The following SUCLG2 variants were observed in gnomAD, a reference collection of about 807,000 sequenced individuals.
SUCLG2 encodes succinate--CoA ligase [GDP-forming] subunit beta, mitochondrial.
In SUCLG2, 42 loss-of-function variants were observed where a neutral mutation model predicts 47.9. That is an observed-to-expected ratio of 0.88 (90% CI 0.69 to 1.14). The LOEUF is 1.14. Ranked by LOEUF, SUCLG2 falls within the 50% of genes most tolerant of loss-of-function variation. The pLI, the probability that SUCLG2 is intolerant of heterozygous loss-of-function variation, is 0.00. For missense variants in SUCLG2, 571 were observed against 525.9 expected (o/e 1.09, Z -0.84); for synonymous variants, 195 against 197.3 (o/e 0.99, Z 0.10).
At chr3:67,592,736 A>AC (rs58849143) in intron 2 of SUCLG2, among the ~76,000 whole-genome samples, 6 of 61,138 alleles carry the variant, frequency 9.8e-5, no homozygotes, top group South Asian at 4.2e-4. Flanking sequence ...AAAAAAAAAA[A>AC]CAACAAAAAA....
chr3:67,595,471 C>G (rs553489400), intron 2 of SUCLG2, among the ~76,000 whole-genome samples: 1 of 152,166 alleles, frequency 6.6e-6, no homozygotes, highest in East Asian at 1.9e-4. Flanking sequence ...GGGAGTCTGC[C>G]CAGTATAGGG....
chr3:67,498,041 T>G, intron 8 of SUCLG2, 93 bp downstream of exon 8: 1 of 1,334,398 alleles, frequency 7.5e-7, no homozygotes, highest in Non-Finnish European at 1.0e-6. Context: ...CTTATGTGCT[T>G]ACTTCTTCTT....
At position 67,609,606 on chromosome 3, in the gene SUCLG2, T is replaced by C. The variant is rs748418463; in HGVS notation, c.85-10A>G. On this transcript the variant is annotated splice_polypyrimidine_tract_variant and intron_variant, in intron 1 of 10. Coordinates refer to ENST00000307227, the MANE Select transcript of SUCLG2 (RefSeq NM_003848.4). The stretch of plus-strand genomic sequence containing the variant: ...AGGTTAATTGAACTGCCTACAGAAA[T>C]TGAAGGAGAGAGGTAAGAACATTCA... 1.2e-6 allele frequency: 2 copies of C among 1,611,970 alleles called. No homozygotes were observed. Among genetic ancestry groups the C allele is most frequent in the Non-Finnish European group, 1.7e-6 (2 of 1,179,368 alleles).
chr3:67,539,520 CTT>C (rs1285549248), intron 2 of SUCLG2, among the ~76,000 whole-genome samples: 1 of 152,016 alleles, frequency 6.6e-6, no homozygotes, highest in African/African-American at 2.4e-5. Context: ...CTGAAATTTT[CTT>C]TTTTTGTTGT....
In SUCLG2 at chr3:67,560,271, A is replaced by C. The variant is rs531671028; in HGVS notation, c.227-31085T>G. Among the ~76,000 whole-genome samples, 138 of 152,326 alleles carry C rather than the reference A, an allele frequency of 9.1e-4. 1 individual carries two copies. Among genetic ancestry groups the C allele is most frequent in the African/African-American group, 3.1e-3 (127 of 41,578 alleles). ...CCAATACAATAGTATCTTTTAAAAAATGAGAAATTTGGGAGACTCTGCTTC... is the reference window on the plus strand; with the variant it reads ...CCAATACAATAGTATCTTTTAAAAACTGAGAAATTTGGGAGACTCTGCTTC... On this transcript the variant is annotated intron_variant, in intron 2 of 10. Transcript: ENST00000307227.
chr3:67,604,771 A>C (rs1708491761), intron 2 of SUCLG2, among the ~76,000 whole-genome samples: 1 of 152,222 alleles, frequency 6.6e-6, no homozygotes, highest in Non-Finnish European at 1.5e-5. Flanking sequence ...GGCACAAAGA[A>C]AGAGATCTGC....
intron 2 of SUCLG2, among the ~76,000 whole-genome samples, chr3:67,600,137 A>C (rs1708384973): frequency 6.6e-6 from 1 of 152,242 alleles, no homozygotes; most frequent in African/African-American, 2.4e-5. Context: ...TCATCTACTT[A>C]GAAAATATCA....
intron 9 of SUCLG2, among the ~76,000 whole-genome samples, chr3:67,471,668 C>T (rs1041310358): frequency 2.6e-5 from 4 of 151,754 alleles, no homozygotes; most frequent in Non-Finnish European, 5.9e-5. Context: ...AAGAAGAAGG[C>T]GGCAAATTAA....
chr3:67,581,696 C>G (rs1368240606), intron 2 of SUCLG2, among the ~76,000 whole-genome samples: 1 of 152,110 alleles, frequency 6.6e-6, no homozygotes, highest in Non-Finnish European at 1.5e-5. Context: ...GGCAGCATCT[C>G]AAAATGACGC....
In SUCLG2 at chr3:67,484,632, G is replaced by T. The variant is rs142160695; in HGVS notation, c.1062+11166C>A. The stretch of plus-strand genomic sequence containing the variant: ...AACAAGAAATGTGGGGATGGGGAAG[G>T]GGGCAAACAAACTATAATATTTCTG... On this transcript the variant is annotated intron_variant, in intron 9 of 10. Transcript: ENST00000307227. 3.3e-3 allele frequency among the ~76,000 whole-genome samples: 503 copies of T among 152,164 alleles called. 4 individuals are homozygous for T. Among genetic ancestry groups the T allele is most frequent in the Non-Finnish European group, 5.2e-3 (357 of 68,002 alleles).
chr3:67,466,645 G>A (rs771201978), intron 9 of SUCLG2, among the ~76,000 whole-genome samples: 1 of 152,182 alleles, frequency 6.6e-6, no homozygotes, highest in East Asian at 1.9e-4. Context: ...ACTGAAGTTT[G>A]TCGCTATCGA....
intron 9 of SUCLG2, among the ~76,000 whole-genome samples, chr3:67,416,485 A>C (rs541069646): frequency 6.3e-4 from 96 of 152,298 alleles, no homozygotes; most frequent in African/African-American, 2.2e-3. Context: ...TGCTTTGGAA[A>C]ATGCTAGCTT....
At chr3:67,559,779 T>C (rs559988438) in intron 2 of SUCLG2, among the ~76,000 whole-genome samples, 94 of 152,310 alleles carry the variant, frequency 6.2e-4, no homozygotes, top group African/African-American at 2.2e-3. Flanking sequence ...AAAACTACTC[T>C]GTATAATGCT....
intron 2 of SUCLG2, among the ~76,000 whole-genome samples, chr3:67,563,972 AAAAAAAG>A (rs1205687160): frequency 2.1e-5 from 3 of 145,456 alleles, no homozygotes; most frequent in African/African-American, 7.6e-5. Flanking sequence ...AAAAAAAAAA[AAAAAAAG>A]AAAAAAGAAA....
chr3:67,421,781 G>T (rs1441713032), intron 9 of SUCLG2, among the ~76,000 whole-genome samples: 1 of 152,122 alleles, frequency 6.6e-6, no homozygotes. Context: ...AATGAAGAAT[G>T]AAGACAAAAA....
intron 2 of SUCLG2, among the ~76,000 whole-genome samples, chr3:67,594,541 T>A (rs550332695): frequency 4.5e-4 from 69 of 152,346 alleles, no homozygotes; most frequent in African/African-American, 1.6e-3. Flanking sequence ...GAAGCCTTCC[T>A]TGACTATCCT....
intron 1 of SUCLG2, among the ~76,000 whole-genome samples, chr3:67,626,164 T>A (rs1336071821): frequency 6.6e-6 from 1 of 151,954 alleles, no homozygotes; most frequent in Non-Finnish European, 1.5e-5. Context: ...GGAGTAATTT[T>A]TGTATTTTTA....
At chr3:67,599,333 T>C (rs1708363366) in intron 2 of SUCLG2, among the ~76,000 whole-genome samples, 1 of 152,146 alleles carries the variant, frequency 6.6e-6, no homozygotes, top group African/African-American at 2.4e-5. Context: ...ACACACTGGG[T>C]AACAGGCATA....
At chr3:67,433,934 T>C (rs770062205) in intron 9 of SUCLG2, among the ~76,000 whole-genome samples, 1 of 152,148 alleles carries the variant, frequency 6.6e-6, no homozygotes, top group Non-Finnish European at 1.5e-5. Flanking sequence ...CACAAAAAAT[T>C]GTAGTTAAAA....
Sources: allele counts gnomAD v4.1 joint callset (sites outside exome capture counted in the v4.1 genomes callset), GRCh38; gene constraint gnomAD v4.1.1; transcripts MANE v1.5; gene names NCBI Gene and HGNC (gene_info 2026-07-23, HGNC 2026-07-21).